Variants in FCHSD2 observed in about 807,000 individuals in gnomAD.
The protein encoded by FCHSD2 is F-BAR and double SH3 domains protein 2.
FCHSD2 carries 38 observed loss-of-function variants against 108.1 expected under a neutral mutation model. The observed-to-expected ratio is 0.35, with a 90% confidence interval of 0.27 to 0.46. FCHSD2 has a LOEUF of 0.46. Among genes scored for constraint, FCHSD2 ranks in the 20% least tolerant of loss-of-function variants. The pLI is 1.00. For missense variants in FCHSD2, 751 were observed against 897.8 expected (o/e 0.84, Z 2.09); for synonymous variants, 279 against 314.7 (o/e 0.89, Z 1.20).
intron 3 of FCHSD2, among the ~76,000 whole-genome samples, chr11:73,025,991 T>TG (rs1858219325): frequency 2.0e-5 from 3 of 149,052 alleles, no homozygotes; most frequent in Non-Finnish European, 3.0e-5. Flanking sequence ...AGAGATTCAT[T>TG]TTATGTATGT....
At chr11:72,851,453 G>A (rs1861285639) in intron 13 of FCHSD2, among the ~76,000 whole-genome samples, 1 of 152,020 alleles carries the variant, frequency 6.6e-6, no homozygotes, top group African/African-American at 2.4e-5. Flanking sequence ...AAAAATAAAG[G>A]TTGCCGGCCG....
At chr11:72,904,907 T>C (rs1477551341) in intron 9 of FCHSD2, among the ~76,000 whole-genome samples, 2 of 152,226 alleles carry the variant, frequency 1.3e-5, no homozygotes, top group Non-Finnish European at 2.9e-5. Flanking sequence ...TTTTATTACA[T>C]CCTTGTAGTA....
chr11:72,901,872 T>TG lies in FCHSD2; in HGVS notation c.924+670_924+671insC, dbSNP rs1555050895. ...TTTATTAATTCTATTCTGGTTTTTT[T>TG]TTTGTTTGTTTGTTTGTTTTGAGAC... is the stretch of plus-strand genomic sequence containing the variant. On this transcript the variant is annotated intron_variant, in intron 10 of 19. Coordinates refer to ENST00000409418, the MANE Select transcript of FCHSD2 (RefSeq NM_014824.3). Among the ~76,000 whole-genome samples the TG allele has an allele frequency of 9.2e-5, 14 of 152,188 alleles. No individual in the cohort carries two copies. The East Asian group carries it at 1.5e-3, about 17-fold the overall frequency.
chr11:72,946,880 C>G (rs763971584), intron 8 of FCHSD2, among the ~76,000 whole-genome samples: 3 of 152,202 alleles, frequency 2.0e-5, no homozygotes, highest in Non-Finnish European at 4.4e-5. Context: ...ATTCACAAGA[C>G]TACTCACAAG....
At position 72,968,090 on chromosome 11, in the gene FCHSD2, C is replaced by CAA. The variant is rs10670606; in HGVS notation, c.705+15996_705+15997dup. ...TGGGCAACAGAGCAAGACTCTGTCT[C>CAA]AAAAAAAAAAAAAAAGAAGTGGGCA... On this transcript the variant is annotated intron_variant, in intron 8 of 19. Coordinates refer to ENST00000409418, the MANE Select transcript of FCHSD2 (RefSeq NM_014824.3). 5.3e-3 allele frequency among the ~76,000 whole-genome samples: 464 copies of CAA among 87,584 alleles called. 4 individuals carry two copies. Among genetic ancestry groups the CAA allele is most frequent in the African/African-American group, 0.018 (443 of 24,232 alleles). The allele number at this position is 87,584 out of a possible 152,430, so 57.5% of individuals were successfully genotyped here. A position where few individuals can be genotyped will look rare whatever the true frequency, so the allele number is the denominator to read the frequency against.
intron 12 of FCHSD2, among the ~76,000 whole-genome samples, chr11:72,877,215 G>A (rs188964925): frequency 6.6e-6 from 1 of 152,092 alleles, no homozygotes; most frequent in Non-Finnish European, 1.5e-5. Flanking sequence ...ATTAGTGTTT[G>A]TTCTCCTGTG....
intron 3 of FCHSD2, among the ~76,000 whole-genome samples, chr11:73,038,678 A>G (rs1858558370): frequency 6.6e-6 from 1 of 152,204 alleles, no homozygotes; most frequent in Non-Finnish European, 1.5e-5. Flanking sequence ...TGGGAATAAT[A>G]AACACTAGGG....
chr11:72,991,958 A>T (rs550918501), intron 5 of FCHSD2, among the ~76,000 whole-genome samples: 82 of 152,346 alleles, frequency 5.4e-4, no homozygotes, highest in African/African-American at 1.9e-3. Flanking sequence ...TTAGGAAAAG[A>T]GGAAGTCAAA....
intron 2 of FCHSD2, among the ~76,000 whole-genome samples, chr11:73,104,926 T>C (rs1251240198): frequency 1.3e-5 from 2 of 152,154 alleles, no homozygotes; most frequent in African/African-American, 4.8e-5. Context: ...ACAATATAGT[T>C]TTACACGTTT....
chr11:72,922,086 G>A (rs1183096998), intron 8 of FCHSD2, 136 bp from the exon 9 acceptor site: 1 of 600,890 alleles, frequency 1.7e-6, no homozygotes, highest in African/African-American at 1.9e-5. Context: ...GATACAGATT[G>A]TAAGTAAATA....
intron 3 of FCHSD2, among the ~76,000 whole-genome samples, chr11:73,078,361 T>C (rs1859604604): frequency 6.6e-6 from 1 of 152,176 alleles, no homozygotes; most frequent in South Asian, 2.1e-4. Flanking sequence ...GAAAGATATG[T>C]TCATATGTCC....
intron 1 of FCHSD2, among the ~76,000 whole-genome samples, 190 bp from the exon 2 acceptor site, chr11:73,140,318 G>A (rs1224967943): frequency 6.6e-6 from 1 of 152,084 alleles, no homozygotes; most frequent in Non-Finnish European, 1.5e-5. Context: ...CAAATAGCCT[G>A]AACAGAGGTT....
intron 3 of FCHSD2, among the ~76,000 whole-genome samples, chr11:73,019,434 TTA>T (rs1373199035): frequency 6.6e-6 from 1 of 152,152 alleles, no homozygotes; most frequent in East Asian, 1.9e-4. Context: ...AGAAATCATT[TTA>T]GAGTGGACTT....
At chr11:72,883,512 T>C (rs768885561) in intron 12 of FCHSD2, among the ~76,000 whole-genome samples, 2 of 152,214 alleles carry the variant, frequency 1.3e-5, no homozygotes, top group Non-Finnish European at 2.9e-5. Flanking sequence ...AAGGGGGATA[T>C]ATGAAGGGCT....
Position 73,051,906 on chromosome 11 carries a change from CACACACACA to C in FCHSD2, c.165+31780_165+31788del, listed in dbSNP as rs1220968114. On this transcript the variant is annotated intron_variant, in intron 3 of 19. Coordinates refer to ENST00000409418, the MANE Select transcript of FCHSD2 (RefSeq NM_014824.3). ...ACACACACACACACACACACACACA[CACACACACA>C]CCCCACACACACTGACATCAGGGAA... Among the ~76,000 whole-genome samples, 29 of 147,870 alleles carry C rather than the reference CACACACACA, an allele frequency of 2.0e-4. 1 individual carries two copies. Among genetic ancestry groups the C allele is most frequent in the South Asian group, 1.7e-3 (8 of 4,650 alleles).
intron 3 of FCHSD2, among the ~76,000 whole-genome samples, chr11:73,072,854 T>C (rs537459780): frequency 2.2e-4 from 33 of 152,346 alleles, no homozygotes; most frequent in African/African-American, 7.2e-4. Flanking sequence ...ACTTCTTGTA[T>C]AGTATGCCCA....
intron 2 of FCHSD2, among the ~76,000 whole-genome samples, chr11:73,089,183 A>G (rs1859895278): frequency 6.6e-6 from 1 of 152,232 alleles, no homozygotes; most frequent in South Asian, 2.1e-4. Flanking sequence ...GAAACCTGAT[A>G]ATCTCCATGT....
At position 72,837,870 on chromosome 11, in the gene FCHSD2, G is replaced by A. The variant is rs1012066707; in HGVS notation, c.*921C>T. 1.3e-5 allele frequency: 2 copies of A among 152,204 alleles called. No individual in the cohort carries two copies. The highest frequency in any genetic ancestry group is 6.5e-5 in the Admixed American group (1 of 15,272). 9.4% of individuals were successfully genotyped at this position (152,204 alleles called of 1,614,324 possible). ...GCTGGCTTGGGAATAAAATAATGCC[G>A]GGGCGTCCCCAGTAGAGAAGCTCAA... On this transcript the variant is annotated 3_prime_UTR_variant, in exon 20 of 20. Transcript: ENST00000409418.
At chr11:73,051,896 CACACACACACACACACACA>C (rs1858908332) in intron 3 of FCHSD2, among the ~76,000 whole-genome samples, 1 of 151,064 alleles carries the variant, frequency 6.6e-6, no homozygotes, top group African/African-American at 2.4e-5. Flanking sequence ...CACACACACA[CACACACACACACACACACA>C]CCCCACACAC....
Sources: gnomAD v4.1 joint callset for allele counts (sites outside exome capture counted in the v4.1 genomes callset) on GRCh38, gnomAD v4.1.1 for gene constraint, MANE v1.5 for transcripts, NCBI Gene and HGNC (gene_info 2026-07-23, HGNC 2026-07-21) for gene names.